UTP18: variants seen among roughly 807,000 people sequenced by gnomAD.
UTP18 encodes U3 small nucleolar RNA-associated protein 18 homolog.
A neutral mutation model predicts 61.1 loss-of-function variants in UTP18; 36 were observed. That is an observed-to-expected ratio of 0.59 (90% CI 0.45 to 0.78). The LOEUF (loss-of-function observed/expected upper bound fraction) is 0.78, where lower values mean the gene tolerates loss of function less well. Among genes scored for constraint, UTP18 ranks in the 30% least tolerant of loss-of-function variants. The pLI, the probability that UTP18 is intolerant of heterozygous loss-of-function variation, is 0.00. For missense variants in UTP18, 753 were observed against 693.9 expected (o/e 1.09, Z -0.96); for synonymous variants, 282 against 251.1 (o/e 1.12, Z -1.16).
intron 3 of UTP18, among the ~76,000 whole-genome samples, chr17:51,266,622 G>A (rs2055564069): frequency 6.6e-6 from 1 of 152,106 alleles, no homozygotes; most frequent in Non-Finnish European, 1.5e-5. Context: ...TGTCATATTT[G>A]CTTTGTGTAT....
chr17:51,286,486 A>G, intron 10 of UTP18: 1 of 456,288 alleles, frequency 2.2e-6, no homozygotes. Flanking sequence ...CTTCCAGGTT[A>G]AAACTGGGGA....
At chr17:51,269,839 T>TG (rs1568265838) in intron 4 of UTP18, among the ~76,000 whole-genome samples, 216 of 137,794 alleles carry the variant, frequency 1.6e-3, no homozygotes, top group Non-Finnish European at 1.8e-3. Context: ...AAATAATGTA[T>TG]TGTGTGTGTG....
chr17:51,266,272 T>A lies in UTP18; in HGVS notation c.546T>A (p.Leu182=), dbSNP rs2144395399. The A allele has an allele frequency of 6.3e-7, 1 of 1,591,382 alleles. No individual in the cohort carries two copies. Among genetic ancestry groups the A allele is most frequent in the East Asian group, 2.3e-5 (1 of 43,608 alleles). ...KLSKDNLKKR[L]KEEFQHAMGG... is the part of the protein sequence containing the mutation. ...CGAAAGACAACCTTAAAAAGAGACTTAAAGAAGAGTAAGTGTCTTTTTTCA... is the reference window on the plus strand; with the variant it reads ...CGAAAGACAACCTTAAAAAGAGACTAAAAGAAGAGTAAGTGTCTTTTTTCA... The change falls in exon 3 of 14, where the codon CTT becomes CTA. Residue 182 remains leucine, a synonymous_variant. Transcript: ENST00000225298.
At position 51,277,194 on chromosome 17, in the gene UTP18, C is replaced by T. The variant is rs780769034; in HGVS notation, c.902C>T (p.Ala301Val). The part of the protein sequence containing the change: ...IYLERFPIFK[A>V]CFSANGEEVL... ...TTGGAAAGGTTTCCAATCTTTAAGGCTTGTTTTAGTGCTAATGGGGAAGAA... is the reference window on the plus strand; with the variant it reads ...TTGGAAAGGTTTCCAATCTTTAAGGTTTGTTTTAGTGCTAATGGGGAAGAA... The change falls in exon 7 of 14, where the codon GCT becomes GTT. Residue 301 changes from alanine (A) to valine (V), a missense_variant. Coordinates refer to ENST00000225298, the MANE Select transcript of UTP18 (RefSeq NM_016001.3). 11 of 1,614,014 alleles carry T rather than the reference C, an allele frequency of 6.8e-6. No homozygotes were observed. Among genetic ancestry groups the T allele is most frequent in the Admixed American group, 5.0e-5 (3 of 60,010 alleles).
intron 9 of UTP18, among the ~76,000 whole-genome samples, chr17:51,281,957 A>G (rs1904944344): frequency 6.6e-6 from 1 of 152,166 alleles, no homozygotes; most frequent in Non-Finnish European, 1.5e-5. Context: ...GGTGTGTTAA[A>G]TTTTCTACAT....
chr17:51,285,958 G>A (rs1032575884), intron 10 of UTP18, among the ~76,000 whole-genome samples: 22 of 152,140 alleles, frequency 1.4e-4, no homozygotes, highest in African/African-American at 4.8e-4. Context: ...TAAAATACCT[G>A]TTTGATCACA....
chr17:51,297,026 A>G, intron 13 of UTP18, 23 bp downstream of exon 13: 2 of 1,596,744 alleles, frequency 1.3e-6, no homozygotes, highest in Non-Finnish European at 1.7e-6. Context: ...TTTTCTTACA[A>G]ATTCTGCAGG....
In UTP18 at chr17:51,275,928, GT is replaced by G. The variant is rs775732765; in HGVS notation, c.776del (p.Phe259SerfsTer8). On this transcript the variant is annotated frameshift_variant, in exon 6 of 14. Coordinates refer to ENST00000225298, the MANE Select transcript of UTP18 (RefSeq NM_016001.3). LOFTEE classifies it high-confidence loss of function. ...PTVARISSVQ[F>X]HPGAQIVMVA... ...CTGTTGCTCGGATCTCATCTGTGCA[GT>G]TCCATCCCGGTGCACAGATTGTGAT... 6.2e-7 allele frequency: 1 copy of G among 1,613,268 alleles called. No individual in the cohort carries two copies. Among genetic ancestry groups the G allele is most frequent in the East Asian group, 2.2e-5 (1 of 44,862 alleles).
intron 2 of UTP18, among the ~76,000 whole-genome samples, chr17:51,264,063 G>A (rs1320415509): frequency 6.7e-6 from 1 of 149,508 alleles, no homozygotes; most frequent in Non-Finnish European, 1.5e-5. Context: ...TTGAAACAGA[G>A]TCTTGCTGTT....
chr17:51,269,873 G>C (rs1382370051), intron 4 of UTP18, among the ~76,000 whole-genome samples: 2 of 148,650 alleles, frequency 1.3e-5, no homozygotes, highest in African/African-American at 2.5e-5. Flanking sequence ...GTGTGTGTCA[G>C]TGTCAGAATC....
chr17:51,268,718 T>C (rs1156754810), intron 3 of UTP18, 119 bp from the exon 4 acceptor site: 11 of 775,268 alleles, frequency 1.4e-5, no homozygotes, highest in Non-Finnish European at 2.1e-5. Flanking sequence ...TAGTTACTTC[T>C]TTGGAAGAGA....
intron 3 of UTP18, 65 bp from the exon 4 acceptor site, chr17:51,268,772 A>G: frequency 7.4e-7 from 1 of 1,350,754 alleles, no homozygotes; most frequent in Non-Finnish European, 1.1e-6. Context: ...TATGCTTTAA[A>G]TGTATCAAGC....
chr17:51,283,982 GT>G (rs1316009583), intron 9 of UTP18, among the ~76,000 whole-genome samples: 3 of 152,184 alleles, frequency 2.0e-5, no homozygotes, highest in Admixed American at 2.0e-4. Context: ...CTTTCTAGAT[GT>G]TCTTGCTTTT....
chr17:51,276,928 C>G (rs1904740982), intron 6 of UTP18, among the ~76,000 whole-genome samples: 2 of 152,200 alleles, frequency 1.3e-5, no homozygotes, highest in African/African-American at 4.8e-5. Context: ...CAGAAGCTCT[C>G]TGAATACCTT....
At chr17:51,269,288 C>G (rs949855083) in intron 4 of UTP18, among the ~76,000 whole-genome samples, 4 of 67,232 alleles carry the variant, frequency 5.9e-5, no homozygotes, top group Non-Finnish European at 7.4e-5. Context: ...GAGTGAGACT[C>G]TGTCTCAAAA....
At chr17:51,277,025 C>T (rs1017163772) in intron 6 of UTP18, 105 bp from the exon 7 acceptor site, 5 of 1,245,360 alleles carry the variant, frequency 4.0e-6, no homozygotes, top group East Asian at 2.4e-5. Flanking sequence ...CCTTCAGCCC[C>T]TTGGATATGT....
At chr17:51,276,105 A>G in intron 6 of UTP18, 114 bp downstream of exon 6, 1 of 1,102,704 alleles carries the variant, frequency 9.1e-7, no homozygotes, top group South Asian at 1.7e-5. Flanking sequence ...CTAAAACATC[A>G]TAGCCCGAAG....
rs763940148 is a variant in UTP18 at position 51,260,609 on chromosome 17, A to G, written c.25A>G (p.Met9Val). 4.3e-6 allele frequency: 7 copies of G among 1,612,618 alleles called. No homozygotes were observed. The Admixed American group carries it at 5.0e-5, about 12-fold the overall frequency. Residue 9 changes from methionine to valine, a missense_variant, in exon 1 of 14, where the codon ATG becomes GTG. Coordinates refer to ENST00000225298, the MANE Select transcript of UTP18 (RefSeq NM_016001.3). ...GATGCCGCCGGAGCGGAGGAGACGAATGAAACTGGACCGGAGAACCGGAGC... is the reference window on the plus strand; with the variant it reads ...GATGCCGCCGGAGCGGAGGAGACGAGTGAAACTGGACCGGAGAACCGGAGC... MPPERRRR[M>V]KLDRRTGAKP...
chr17:51,296,261 G>A (rs1456110403), intron 12 of UTP18: 1 of 152,182 alleles, frequency 6.6e-6, no homozygotes, highest in Non-Finnish European at 1.5e-5. Flanking sequence ...CCTTGTGTTG[G>A]TAGTGAATGC....
Sources: allele counts gnomAD v4.1 joint callset (sites outside exome capture counted in the v4.1 genomes callset), GRCh38; gene constraint gnomAD v4.1.1; transcripts MANE v1.5; gene names NCBI Gene and HGNC (gene_info 2026-07-23, HGNC 2026-07-21).